The following USP31 variants were observed in gnomAD, a reference collection of about 807,000 sequenced individuals.
USP31 encodes the protein ubiquitin carboxyl-terminal hydrolase 31.
USP31 carries 44 observed loss-of-function variants against 119.4 expected under a neutral mutation model. The ratio of observed to expected loss-of-function variants is 0.37; its 90% CI spans 0.29 to 0.47. The LOEUF is 0.47. Ranked by LOEUF, USP31 falls within the 20% of genes least tolerant of loss-of-function variation. The pLI is 0.99. For missense variants in USP31, 1,643 were observed against 1,730.2 expected (o/e 0.95, Z 0.89); for synonymous variants, 749 against 705.6 (o/e 1.06, Z -0.97).
At chr16:23,127,769 C>T (rs1434819062) in intron 1 of USP31, among the ~76,000 whole-genome samples, 1 of 151,858 alleles carries the variant, frequency 6.6e-6, no homozygotes, top group Non-Finnish European at 1.5e-5. Context: ...TGAGCCAACG[C>T]GCCTGGCCGA....
chr16:23,112,004 A>G (rs918624066), intron 1 of USP31, among the ~76,000 whole-genome samples: 1 of 152,214 alleles, frequency 6.6e-6, no homozygotes, highest in African/African-American at 2.4e-5. Context: ...ATAGATCTTG[A>G]GATTCAGATT....
intron 13 of USP31, among the ~76,000 whole-genome samples, chr16:23,074,223 G>A (rs1259514145): frequency 2.0e-5 from 3 of 152,094 alleles, no homozygotes; most frequent in Non-Finnish European, 4.4e-5. Context: ...CAACTCAAGG[G>A]AGAGGTGCTA....
intron 1 of USP31, among the ~76,000 whole-genome samples, chr16:23,137,269 T>C (rs779246182): frequency 7.2e-5 from 11 of 152,238 alleles, no homozygotes; most frequent in Middle Eastern, 3.4e-3. Flanking sequence ...AGGATGGCTA[T>C]AATCAAAAAC....
Position 23,149,261 on chromosome 16 carries a change from C to T in USP31, c.10G>A (p.Val4Ile), listed in dbSNP as rs948240517. The T allele has an allele frequency of 2.7e-6, 3 of 1,096,822 alleles. No homozygotes were observed. In the African/African-American group the frequency reaches 5.1e-5, roughly 19 times the overall value. The allele number at this position is 1,096,822 out of a possible 1,614,324, so 67.9% of individuals were successfully genotyped here. A position where few individuals can be genotyped will look rare whatever the true frequency, so the allele number is the denominator to read the frequency against. ...GGCGGCCCGGACCCAGGCGCCGTTACCTTGGACATGGCGGCGGCCGCAGAC... is the reference window on the plus strand; with the variant it reads ...GGCGGCCCGGACCCAGGCGCCGTTATCTTGGACATGGCGGCGGCCGCAGAC... MSK[V>I]TAPGSGPPAA... The change falls in exon 1 of 16, where the codon GTA (valine) becomes ATA (isoleucine). Residue 4 changes from valine (V) to isoleucine (I), a missense_variant. By Grantham distance (29) the Val-to-Ile change is conservative (BLOSUM62 3). Coordinates refer to ENST00000219689, the MANE Select transcript of USP31 (RefSeq NM_020718.4).
At chr16:23,087,281 A>T in intron 8 of USP31, 95 bp from the exon 9 acceptor site, 1 of 1,091,736 alleles carries the variant, frequency 9.2e-7, no homozygotes, top group Non-Finnish European at 1.4e-6. Flanking sequence ...GTTACAGTAA[A>T]CTGTTTATTC....
In USP31 at chr16:23,063,728, T is replaced by C. The variant is rs1400964853; in HGVS notation, c.*4318A>G. On this transcript the variant is annotated 3_prime_UTR_variant, in exon 16 of 16. Transcript: ENST00000219689. ...AAATTTAAAAATAGAGCTCCATAAT[T>C]GTTGCCTTTTTTTTTTAAGACTTAA... The C allele has an allele frequency of 6.8e-6, 1 of 146,362 alleles. No homozygotes were observed. The highest frequency in any genetic ancestry group is 2.0e-4 in the East Asian group (1 of 5,062). The allele number at this position is 146,362 out of a possible 1,614,324, so 9.1% of individuals were successfully genotyped here. A position where few individuals can be genotyped will look rare whatever the true frequency, so the allele number is the denominator to read the frequency against.
In USP31 at chr16:23,108,070, C is replaced by T; in HGVS notation, c.747G>A (p.Lys249=). 1.2e-6 allele frequency: 2 copies of T among 1,613,846 alleles called. No individual in the cohort carries two copies. ...CCTTCAGAGGAGGCTGGCCACTCTG[C>T]TTCACTGAATGGTTGAGGTCTTCAT... ...RVHEDLNHSV[K]QSGQPPLKPP... Residue 249 remains lysine (K), a synonymous_variant, in exon 2 of 16, where the codon AAG becomes AAA. Coordinates refer to ENST00000219689, the MANE Select transcript of USP31 (RefSeq NM_020718.4).
rs112546615 is a variant in USP31, at chr16:23,144,476, C to CT, written c.633+4161dup. Among the ~76,000 whole-genome samples, 930 of 145,334 alleles carry CT rather than the reference C, an allele frequency of 6.4e-3. 6 individuals are homozygous for CT. Among genetic ancestry groups the CT allele is most frequent in the African/African-American group, 0.021 (836 of 39,904 alleles). Reference sequence around the variant, plus strand: ...GGTCCACCTTCTGGTGTTTACCTTTCTTTTTTTTTTTTCCTTTTTTTGAGG... The same window carrying CT: ...GGTCCACCTTCTGGTGTTTACCTTTCTTTTTTTTTTTTTCCTTTTTTTGAGG... On this transcript the variant is annotated intron_variant, in intron 1 of 15. Transcript: ENST00000219689.
rs551845061 is a variant in USP31 at position 23,108,065 on chromosome 16, C to T, written c.752G>A (p.Ser251Asn). ...HEDLNHSVKQ[S>N]GQPPLKPPSE... ...CCTTACCTTCAGAGGAGGCTGGCCA[C>T]TCTGCTTCACTGAATGGTTGAGGTC... The change falls in exon 2 of 16, where the codon AGT (serine) becomes AAT (asparagine). Residue 251 changes from serine (S) to asparagine (N), a missense_variant. Transcript: ENST00000219689. 6.2e-7 allele frequency: 1 copy of T among 1,613,712 alleles called. No individual in the cohort carries two copies. Among genetic ancestry groups the T allele is most frequent in the African/African-American group, 1.3e-5 (1 of 75,030 alleles).
intron 13 of USP31, chr16:23,079,729 C>A (rs764143978): frequency 8.2e-5 from 39 of 473,414 alleles, no homozygotes; most frequent in Admixed American, 7.3e-4. Context: ...ACTCCCCAAT[C>A]AGTCAGCTAC....
chr16:23,129,721 G>C (rs1423343127), intron 1 of USP31, among the ~76,000 whole-genome samples: 2 of 152,192 alleles, frequency 1.3e-5, no homozygotes, highest in Non-Finnish European at 2.9e-5. Context: ...ACATAACTAA[G>C]TGAGAAGTGT....
chr16:23,141,793 A>G (rs1353772873), intron 1 of USP31, among the ~76,000 whole-genome samples: 5 of 152,222 alleles, frequency 3.3e-5, no homozygotes, highest in Admixed American at 3.3e-4. Context: ...TTTTTTTACC[A>G]TTATCATATC....
Position 23,148,993 on chromosome 16 carries a change from C to G in USP31, c.278G>C (p.Cys93Ser), listed in dbSNP as rs1464032258. 9.4e-7 allele frequency: 1 copy of G among 1,065,690 alleles called. No homozygotes were observed. The highest frequency in any genetic ancestry group is 5.5e-5 in the Admixed American group (1 of 18,324). The allele number at this position is 1,065,690 out of a possible 1,614,324, so 66.0% of individuals were successfully genotyped here. A position where few individuals can be genotyped will look rare whatever the true frequency, so the allele number is the denominator to read the frequency against. ...AAPDRGGLRSCFPPGPAAAPT... is the reference protein window; with the variant it reads ...AAPDRGGLRSSFPPGPAAAPT... ...CGCGGCGGCCGGCCCGGGCGGGAAG[C>G]AGCTGCGGAGGCCGCCGCGGTCTGG... Residue 93 changes from cysteine (C) to serine (S), a missense_variant, in exon 1 of 16, where the codon TGC becomes TCC. Around this residue, in one of 5 missense-constraint regions of USP31, gnomAD observed 302 missense variants for 262.6 expected, o/e 1.15. Transcript: ENST00000219689.
chr16:23,125,472 C>T (rs6497654), intron 1 of USP31, among the ~76,000 whole-genome samples: 6,662 of 152,262 alleles, frequency 0.044, 223 homozygotes, highest in African/African-American at 0.087. Context: ...GGTAACTAAC[C>T]CCTTCCTCCA....
intron 9 of USP31, among the ~76,000 whole-genome samples, chr16:23,086,036 C>G (rs766623195): frequency 6.6e-6 from 1 of 152,116 alleles, no homozygotes; most frequent in Non-Finnish European, 1.5e-5. Context: ...GGAACAAAGT[C>G]GCCCCTTGCA....
chr16:23,104,214 G>A (rs1596713554), intron 5 of USP31, among the ~76,000 whole-genome samples: 4 of 152,150 alleles, frequency 2.6e-5, no homozygotes, highest in Admixed American at 2.6e-4. Flanking sequence ...AGGGGTCGGT[G>A]GTATATTCCA....
At chr16:23,120,129 TAGTAA>T (rs1902619195) in intron 1 of USP31, among the ~76,000 whole-genome samples, 1 of 152,150 alleles carries the variant, frequency 6.6e-6, no homozygotes, top group Non-Finnish European at 1.5e-5. Context: ...TTCAAAACTA[TAGTAA>T]AACAAACCCT....
chr16:23,069,569 A>G lies in USP31; in HGVS notation c.2536T>C (p.Leu846=). Residue 846 remains leucine, a synonymous_variant, in exon 16 of 16, where the codon TTG becomes CTG. Coordinates refer to ENST00000219689, the MANE Select transcript of USP31 (RefSeq NM_020718.4). The part of the protein sequence containing the change: ...PFVRSVQRQS[L]SSRSSVTSPL... ...CTGGTGACAGAAGATCTGGATGACA[A>G]ACTCTGACGCTGGACACTTCTCACA... 6.2e-7 allele frequency: 1 copy of G among 1,613,778 alleles called. No homozygotes were observed. Among genetic ancestry groups the G allele is most frequent in the Non-Finnish European group, 8.5e-7 (1 of 1,179,712 alleles).
intron 1 of USP31, among the ~76,000 whole-genome samples, chr16:23,127,660 T>G (rs1228371731): frequency 1.5e-5 from 2 of 135,918 alleles, no homozygotes; most frequent in Non-Finnish European, 3.3e-5. Context: ...TTTTTTTTTT[T>G]GTAGAGACGG....
Sources: gnomAD v4.1 joint callset for allele counts (sites outside exome capture counted in the v4.1 genomes callset) on GRCh38, gnomAD v4.1.1 for gene constraint, gnomAD v4.1.1 regional missense constraint, MANE v1.5 for transcripts, NCBI Gene and HGNC (gene_info 2026-07-23, HGNC 2026-07-21) for gene names.